PDCD6: variants seen among roughly 807,000 people sequenced by gnomAD.
PDCD6 encodes programmed cell death protein 6.
Under a neutral mutation model 28.3 loss-of-function variants are expected in PDCD6, and 12 were observed. That is an observed-to-expected ratio of 0.42 (90% CI 0.27 to 0.69). PDCD6 has a LOEUF of 0.69. PDCD6 is among the 30% of genes least tolerant of loss of function. The probability of loss-of-function intolerance (pLI) is 0.22; values close to 1 mark genes in which losing one functional copy is unlikely to be tolerated. For synonymous variants in PDCD6, 92 were observed against 108.0 expected (o/e 0.85, Z 0.92); for missense variants, 226 against 269.9 (o/e 0.84, Z 1.14).
intron 1 of PDCD6, among the ~76,000 whole-genome samples, chr5:272,216 C>T (rs1417100017): frequency 1.5e-5 from 2 of 136,112 alleles, no homozygotes; most frequent in Non-Finnish European, 3.2e-5. Context: ...TGGAGGGTCT[C>T]CAGGGTGCTT....
In PDCD6 at chr5:299,708, C is replaced by A. The variant is rs1210139565; in HGVS notation, c.164-4469C>A. Among the ~76,000 whole-genome samples the A allele has an allele frequency of 9.9e-5, 15 of 152,252 alleles. No homozygotes were observed. The South Asian group carries it at 2.3e-3, about 23-fold the overall frequency. ...GGGACTACAGGCACACGCCGCCATGCCTGGCTAATTTTTTGTATTTTTAGT... is the reference window on the plus strand; with the variant it reads ...GGGACTACAGGCACACGCCGCCATGACTGGCTAATTTTTTGTATTTTTAGT... On this transcript the variant is annotated intron_variant, in intron 2 of 5. Coordinates refer to ENST00000264933, the MANE Select transcript of PDCD6 (RefSeq NM_013232.4).
intron 4 of PDCD6, chr5:310,785 T>C (rs1263718020): frequency 6.3e-6 from 1 of 159,574 alleles, no homozygotes; most frequent in Non-Finnish European, 1.4e-5. Flanking sequence ...TTTCCTGACA[T>C]TGTCACTTTG....
chr5:271,672 A>G lies in PDCD6; in HGVS notation c.-49A>G, dbSNP rs201738611. On this transcript the variant is annotated 5_prime_UTR_variant, in exon 1 of 6. Transcript: ENST00000264933. ...GAGGCGGAAGCGGAGTCGGCCTGAG[A>G]GGTCTCTCGTCGCTGCAGGCGCCTC... 19 of 1,088,312 alleles carry G rather than the reference A, an allele frequency of 1.7e-5. No homozygotes were observed. The highest frequency in any genetic ancestry group is 2.6e-5 in the Non-Finnish European group (19 of 741,048). 67.4% of individuals were successfully genotyped at this position (1,088,312 alleles called of 1,614,324 possible). A position where few individuals can be genotyped will look rare whatever the true frequency, so the allele number is the denominator to read the frequency against.
In PDCD6 at chr5:314,944, A is replaced by G. The variant is rs1741172714; in HGVS notation, c.*429A>G. 1 of 308,706 alleles carries G rather than the reference A, an allele frequency of 3.2e-6. No homozygotes were observed. Among genetic ancestry groups the G allele is most frequent in the Admixed American group, 4.6e-5 (1 of 21,738 alleles). The allele number at this position is 308,706 out of a possible 1,614,324, so 19.1% of individuals were successfully genotyped here. A position where few individuals can be genotyped will look rare whatever the true frequency, so the allele number is the denominator to read the frequency against. ...TTTATTGTATTCATTGGAATATGTG[A>G]CGTAAGCAATAAAGGGAATGTTAGA... is the stretch of plus-strand genomic sequence containing the variant. On this transcript the variant is annotated 3_prime_UTR_variant, in exon 6 of 6. Transcript: ENST00000264933.
intron 2 of PDCD6, among the ~76,000 whole-genome samples, chr5:277,672 G>C (rs1291155847): frequency 6.6e-6 from 1 of 152,024 alleles, no homozygotes; most frequent in Non-Finnish European, 1.5e-5. Context: ...CTGACCTCTT[G>C]ATCTGCCCAC....
At chr5:276,340 G>A (rs1420163599) in intron 2 of PDCD6, 5 of 1,077,816 alleles carry the variant, frequency 4.6e-6, no homozygotes, top group African/African-American at 1.7e-5. Context: ...CGTTTTCATA[G>A]TTCCCTCTCA....
chr5:272,613 G>A (rs1737903078), intron 1 of PDCD6, 98 bp from the exon 2 acceptor site: 3 of 1,460,274 alleles, frequency 2.1e-6, no homozygotes, highest in Non-Finnish European at 2.7e-6. Flanking sequence ...GTTCCAGGAG[G>A]GAGCCTTCCA....
At chr5:286,969 G>A (rs1739010759) in intron 2 of PDCD6, among the ~76,000 whole-genome samples, 1 of 152,016 alleles carries the variant, frequency 6.6e-6, no homozygotes, top group Admixed American at 6.6e-5. Context: ...GGGGAGCAGT[G>A]TTCTAGTTTG....
Position 276,395 on chromosome 5 carries a change from G to C in PDCD6, c.163+3623G>C, listed in dbSNP as rs191821576. ...GTGAAGGAAGGTTCATAGTTGTGTT[G>C]TATGTACAGGCACACAAAATTTGTC... is the stretch of plus-strand genomic sequence containing the variant. On this transcript the variant is annotated intron_variant, in intron 2 of 5. Coordinates refer to ENST00000264933, the MANE Select transcript of PDCD6 (RefSeq NM_013232.4). 760 of 1,001,540 alleles carry C rather than the reference G, an allele frequency of 7.6e-4. 8 individuals carry two copies. The South Asian group carries it at 0.018, about 23-fold the overall frequency. The allele number at this position is 1,001,540 out of a possible 1,614,324, so 62.0% of individuals were successfully genotyped here. A position where few individuals can be genotyped will look rare whatever the true frequency, so the allele number is the denominator to read the frequency against.
At chr5:290,708 C>T (rs1309971155) in intron 2 of PDCD6, among the ~76,000 whole-genome samples, 2 of 152,238 alleles carry the variant, frequency 1.3e-5, no homozygotes, top group Non-Finnish European at 2.9e-5. Flanking sequence ...TGAGTCCGTT[C>T]ACACAGCCTG....
intron 2 of PDCD6, among the ~76,000 whole-genome samples, chr5:277,912 C>CAAAAAA (rs529926870): frequency 6.3e-5 from 7 of 111,002 alleles, no homozygotes; most frequent in Middle Eastern, 5.0e-3. Flanking sequence ...GACTCCATCT[C>CAAAAAA]AAAAAAAAAA....
Position 306,611 on chromosome 5 carries a change from A to G in PDCD6, c.218A>G (p.Asp73Gly), listed in dbSNP as rs1740505113. 6.2e-7 allele frequency: 1 copy of G among 1,613,428 alleles called. No individual in the cohort carries two copies. The highest frequency in any genetic ancestry group is 1.7e-5 in the Admixed American group (1 of 59,992). ...VTVRSIISMF[D>G]RENKAGVNFS... ...TTCCTCTCTGTCTCAGCCATGTTTGACCGTGAGAACAAGGCCGGCGTGAAC... is the reference window on the plus strand; with the variant it reads ...TTCCTCTCTGTCTCAGCCATGTTTGGCCGTGAGAACAAGGCCGGCGTGAAC... Residue 73 changes from aspartate to glycine, a missense_variant, in exon 4 of 6, where the codon GAC becomes GGC. Asp to Gly is a moderately conservative substitution (Grantham distance 94). Transcript: ENST00000264933.
intron 2 of PDCD6, among the ~76,000 whole-genome samples, chr5:281,528 T>A (rs1372953543): frequency 6.6e-6 from 1 of 151,356 alleles, no homozygotes; most frequent in Non-Finnish European, 1.5e-5. Flanking sequence ...GTGGGAGAGG[T>A]GTTCTAGTTT....
At chr5:294,489 C>T (rs1237579584) in intron 2 of PDCD6, among the ~76,000 whole-genome samples, 5 of 152,232 alleles carry the variant, frequency 3.3e-5, no homozygotes, top group Non-Finnish European at 5.9e-5. Context: ...TGCCAGTCAA[C>T]AGTACCTCTG....
chr5:306,515 G>C, intron 3 of PDCD6, 87 bp from the exon 4 acceptor site: 1 of 1,459,952 alleles, frequency 6.8e-7, no homozygotes, highest in Non-Finnish European at 9.5e-7. Context: ...GCCCCGCCAG[G>C]CTCTGAGGGC....
At chr5:287,376 TCC>T (rs1739037506) in intron 2 of PDCD6, among the ~76,000 whole-genome samples, 2 of 152,142 alleles carry the variant, frequency 1.3e-5, no homozygotes, top group East Asian at 3.9e-4. Context: ...TGTAGCTGAA[TCC>T]CAAGCAAGTT....
chr5:299,674 C>G (rs1261670411), intron 2 of PDCD6, among the ~76,000 whole-genome samples: 2 of 151,952 alleles, frequency 1.3e-5, no homozygotes, highest in Non-Finnish European at 2.9e-5. Context: ...CTCAGCCCCC[C>G]GAGTAGCTGG....
intron 2 of PDCD6, among the ~76,000 whole-genome samples, chr5:296,613 A>G (rs1739628790): frequency 1.3e-5 from 2 of 152,188 alleles, no homozygotes; most frequent in South Asian, 4.1e-4. Context: ...CTGCTAATTA[A>G]TTGATTTATG....
At chr5:284,878 A>T (rs1404709457) in intron 2 of PDCD6, among the ~76,000 whole-genome samples, 1 of 109,616 alleles carries the variant, frequency 9.1e-6, no homozygotes, top group Admixed American at 9.2e-5. Context: ...ACCCCGCGGG[A>T]AGCTGATGTT....
Sources: allele counts gnomAD v4.1 joint callset (sites outside exome capture counted in the v4.1 genomes callset), GRCh38; gene constraint gnomAD v4.1.1; transcripts MANE v1.5; gene names NCBI Gene and HGNC (gene_info 2026-07-23, HGNC 2026-07-21).